Variants in BEGAIN observed in about 807,000 individuals in gnomAD.
BEGAIN encodes brain enriched guanylate kinase associated.
BEGAIN carries 19 observed loss-of-function variants against 35.8 expected under a neutral mutation model. The ratio of observed to expected loss-of-function variants is 0.53; its 90% CI spans 0.37 to 0.78. BEGAIN has a LOEUF of 0.78. BEGAIN is among the 30% of genes least tolerant of loss of function. The pLI is 0.00. For missense variants in BEGAIN, 795 were observed against 853.6 expected (o/e 0.93, Z 0.85); for synonymous variants, 462 against 388.6 (o/e 1.19, Z -2.22).
At chr14:100,556,011 A>G (rs1292387228) in intron 2 of BEGAIN, among the ~76,000 whole-genome samples, 1 of 152,012 alleles carries the variant, frequency 6.6e-6, no homozygotes, top group East Asian at 1.9e-4. Flanking sequence ...GTGTAGGCCT[A>G]TGTGTATGTA....
intron 3 of BEGAIN, chr14:100,545,569 G>A (rs2140508734): frequency 2.5e-6 from 1 of 397,110 alleles, no homozygotes; most frequent in East Asian, 1.6e-4. Context: ...TGGGAATCAG[G>A]TGCTTGGAGA....
At chr14:100,540,636 C>T (rs1177868641) in intron 5 of BEGAIN, 57 bp from the exon 6 acceptor site, 1 of 1,378,932 alleles carries the variant, frequency 7.3e-7, no homozygotes, top group African/African-American at 1.4e-5. Flanking sequence ...CCCCGCCGCC[C>T]TGACCAGCGC....
In BEGAIN at chr14:100,537,772, C is replaced by T. The variant is rs373242284; in HGVS notation, c.*197G>A. On this transcript the variant is annotated 3_prime_UTR_variant, in exon 7 of 7. Transcript: ENST00000554140. ...TAAGTGGAGTTCCACGGGCCGGGGC[C>T]GGGTGGACACCGTGGTGTGGGGGAC... 3.8e-6 allele frequency: 3 copies of T among 782,380 alleles called. No individual in the cohort carries two copies. Among genetic ancestry groups the T allele is most frequent in the Admixed American group, 3.6e-5 (1 of 27,636 alleles). The allele number at this position is 782,380 out of a possible 1,614,324, so 48.5% of individuals were successfully genotyped here.
chr14:100,539,157 G>C lies in BEGAIN; in HGVS notation c.651C>G (p.Arg217=). Residue 217 remains arginine, a synonymous_variant, in exon 7 of 7, where the codon CGC becomes CGG. Coordinates refer to ENST00000554140, the MANE Select transcript of BEGAIN (RefSeq NM_001385089.1). ...GGTCGCGGGCGGAGGCATCGGACAG[G>C]CGGGAGGACAGGCTGGCGGGGTCCG... is the stretch of plus-strand genomic sequence containing the variant. ...EKPDPASLSS[R]LSDASARDLA... 6.3e-7 allele frequency: 1 copy of C among 1,597,384 alleles called. No homozygotes were observed. Among genetic ancestry groups the C allele is most frequent in the Non-Finnish European group, 8.5e-7 (1 of 1,169,596 alleles).
chr14:100,539,248 G>C lies in BEGAIN; in HGVS notation c.560C>G (p.Pro187Arg). ...MEKHGCSLPSPLCHPAYADSV... is the reference protein window; with the variant it reads ...MEKHGCSLPSRLCHPAYADSV... ...GTCGGCGTAGGCCGGGTGGCAGAGC[G>C]GGGATGGCAGGCTGCAGCCGTGCTT... is the stretch of plus-strand genomic sequence containing the variant. Residue 187 changes from proline to arginine, a missense_variant, in exon 7 of 7, where the codon CCG becomes CGG. Pro to Arg is a moderately radical substitution (Grantham distance 103, BLOSUM62 -2). Around this residue, in one of 3 missense-constraint regions of BEGAIN, gnomAD observed 664 missense variants for 647.7 expected, o/e 1.03. Coordinates refer to ENST00000554140, the MANE Select transcript of BEGAIN (RefSeq NM_001385089.1). 1.3e-6 allele frequency: 2 copies of C among 1,588,132 alleles called. No individual in the cohort carries two copies. Among genetic ancestry groups the C allele is most frequent in the South Asian group, 1.2e-5 (1 of 86,724 alleles).
intron 3 of BEGAIN, chr14:100,545,277 G>A (rs1266100243): frequency 1.4e-6 from 2 of 1,400,508 alleles, no homozygotes; most frequent in Non-Finnish European, 1.9e-6. Flanking sequence ...CCTAGGCCAG[G>A]GCCCAGGACT....
chr14:100,538,346 C>T lies in BEGAIN; in HGVS notation c.1462G>A (p.Ala488Thr). The change falls in exon 7 of 7, where the codon GCC becomes ACC. Residue 488 changes from alanine to threonine, a missense_variant. Coordinates refer to ENST00000554140, the MANE Select transcript of BEGAIN (RefSeq NM_001385089.1). ...KADGRASPLY[A>T]SYKADSFSEG... ...GAGAAGCTGTCGGCCTTGTAGCTGG[C>T]GTAGAGCGGGCTGGCGCGGCCGTCG... 2 of 1,518,100 alleles carry T rather than the reference C, an allele frequency of 1.3e-6. No individual in the cohort carries two copies. Among genetic ancestry groups the T allele is most frequent in the Non-Finnish European group, 8.8e-7 (1 of 1,140,232 alleles). The allele number at this position is 1,518,100 out of a possible 1,614,324, so 94.0% of individuals were successfully genotyped here.
At chr14:100,544,526 T>C (rs1484080014) in intron 4 of BEGAIN, among the ~76,000 whole-genome samples, 1 of 152,116 alleles carries the variant, frequency 6.6e-6, no homozygotes, top group Non-Finnish European at 1.5e-5. Context: ...CTCTTCGACA[T>C]GTCCCAGCAG....
intron 1 of BEGAIN, among the ~76,000 whole-genome samples, chr14:100,576,083 A>T (rs2035195448): frequency 6.6e-6 from 1 of 152,126 alleles, no homozygotes. Flanking sequence ...CTGAGGCATG[A>T]TGAGGATGGG....
rs1338371007 is a variant in BEGAIN, at chr14:100,567,791, G to A, written c.71+120C>T. ...CACGCACCTGGCCCGCAGCCCCGCC[G>A]AGGCCGCCCGCGGGCCCTGGGGGAT... On this transcript the variant is annotated intron_variant, in intron 2 of 6. Transcript: ENST00000554140. The surrounding 1 kb of genome is among the most constrained non-coding windows in gnomAD (Gnocchi z 5.1). 22 of 1,067,618 alleles carry A rather than the reference G, an allele frequency of 2.1e-5. No homozygotes were observed. Among genetic ancestry groups the A allele is most frequent in the Admixed American group, 4.3e-5 (1 of 23,214 alleles). 66.1% of individuals were successfully genotyped at this position (1,067,618 alleles called of 1,614,324 possible). A position where few individuals can be genotyped will look rare whatever the true frequency, so the allele number is the denominator to read the frequency against.
At chr14:100,552,524 C>T (rs1329571083) in intron 2 of BEGAIN, among the ~76,000 whole-genome samples, 3 of 152,310 alleles carry the variant, frequency 2.0e-5, no homozygotes, top group East Asian at 1.9e-4. Context: ...CCGGGGCTGC[C>T]GCCCTCCCCT....
rs774182844 is a variant in BEGAIN at position 100,539,063 on chromosome 14, C to T, written c.745G>A (p.Asp249Asn). The T allele has an allele frequency of 6.2e-7, 1 of 1,612,622 alleles. No homozygotes were observed. The highest frequency in any genetic ancestry group is 1.1e-5 in the South Asian group (1 of 91,034). The change falls in exon 7 of 7, where the codon GAC becomes AAC. Residue 249 changes from aspartate (D) to asparagine (N), a missense_variant. Around this residue, in one of 3 missense-constraint regions of BEGAIN, gnomAD observed 664 missense variants for 647.7 expected, o/e 1.03. Transcript: ENST00000554140. Reference sequence around the variant, plus strand: ...TCCTCCGGGCAGTAGAGGGCTGTGTCACTGCAGTAGATGTCTCCCTTGTAG... The same window carrying T: ...TCCTCCGGGCAGTAGAGGGCTGTGTTACTGCAGTAGATGTCTCCCTTGTAG... Reference protein sequence around the residue: ...PPYKGDIYCSDTALYCPEERR... With the variant: ...PPYKGDIYCSNTALYCPEERR...
At chr14:100,552,355 C>A (rs1037216918) in intron 2 of BEGAIN, among the ~76,000 whole-genome samples, 5 of 152,034 alleles carry the variant, frequency 3.3e-5, no homozygotes, top group Admixed American at 3.3e-4. Flanking sequence ...AGCCAGGTAA[C>A]AACACTTGGA....
intron 2 of BEGAIN, among the ~76,000 whole-genome samples, chr14:100,551,530 T>C (rs946517364): frequency 3.3e-5 from 5 of 152,222 alleles, no homozygotes; most frequent in Admixed American, 2.0e-4. Context: ...AATAACTGCA[T>C]ACGGACAGCC....
At chr14:100,582,923 A>G (rs2035352069) in intron 1 of BEGAIN, among the ~76,000 whole-genome samples, 1 of 151,750 alleles carries the variant, frequency 6.6e-6, no homozygotes, top group Non-Finnish European at 1.5e-5. Flanking sequence ...GCAGAGGGAC[A>G]TGGGGGTCTG....
At chr14:100,554,072 C>G (rs1312966681) in intron 2 of BEGAIN, among the ~76,000 whole-genome samples, 3 of 152,234 alleles carry the variant, frequency 2.0e-5, no homozygotes, top group African/African-American at 7.2e-5. Flanking sequence ...TCCCCTGAAG[C>G]CCATGGGGCC....
At chr14:100,548,643 G>A (rs2032845059) in intron 2 of BEGAIN, 1 of 152,248 alleles carries the variant, frequency 6.6e-6, no homozygotes, top group Admixed American at 6.5e-5. Flanking sequence ...TCACCTCTCA[G>A]AGCAAGCAAC....
At chr14:100,579,599 G>A (rs1200302466) in intron 1 of BEGAIN, among the ~76,000 whole-genome samples, 3 of 152,220 alleles carry the variant, frequency 2.0e-5, no homozygotes, top group Non-Finnish European at 4.4e-5. Context: ...GGCCCTGTGT[G>A]GCATGCTCAT....
intron 2 of BEGAIN, among the ~76,000 whole-genome samples, chr14:100,555,929 G>A (rs997114911): frequency 3.3e-5 from 5 of 152,142 alleles, no homozygotes; most frequent in Non-Finnish European, 5.9e-5. Flanking sequence ...CACCATGGCC[G>A]CTGGCTGTTG....
Sources: allele counts gnomAD v4.1 joint callset (sites outside exome capture counted in the v4.1 genomes callset), GRCh38; gene constraint gnomAD v4.1.1; regional missense constraint gnomAD v4.1.1; non-coding constraint Gnocchi (gnomAD v3.1); transcripts MANE v1.5; gene names NCBI Gene and HGNC (gene_info 2026-07-23, HGNC 2026-07-21).